CASP9: variants seen among roughly 807,000 people sequenced by gnomAD.
CASP9 encodes caspase-9.
In CASP9, 29 loss-of-function variants were observed where a neutral mutation model predicts 43.5. That is an observed-to-expected ratio of 0.67 (90% CI 0.50 to 0.91). The LOEUF is 0.91. Among genes scored for constraint, CASP9 ranks in the 40% least tolerant of loss-of-function variants. The pLI is 0.00. For missense variants in CASP9, 575 were observed against 537.4 expected, an observed-to-expected ratio of 1.07 and a Z score of -0.69; for synonymous variants, 206 against 211.9, an observed-to-expected ratio of 0.97 and a Z score of 0.24.
intron 5 of CASP9, among the ~76,000 whole-genome samples, chr1:15,505,477 G>C (rs932630992): frequency 6.6e-6 from 1 of 152,152 alleles, no homozygotes; most frequent in Non-Finnish European, 1.5e-5. Context: ...AGACCACAGG[G>C]GGACTCCAGG....
intron 3 of CASP9, 74 bp downstream of exon 3, chr1:15,507,799 A>G (rs955284917): frequency 6.9e-7 from 1 of 1,456,296 alleles, no homozygotes. Context: ...ACACACCTGC[A>G]GGGAAGGACC....
chr1:15,523,984 G>C, intron 1 of CASP9, 85 bp downstream of exon 1: 1 of 1,048,588 alleles, frequency 9.5e-7, no homozygotes, highest in Non-Finnish European at 1.3e-6. Flanking sequence ...GAAGCCACAG[G>C]GAAGGCTAGG....
chr1:15,504,754 C>A lies in CASP9; in HGVS notation c.725G>T (p.Ser242Ile). The change falls in exon 6 of 9, where the codon AGC (serine) becomes ATC (isoleucine). Residue 242 changes from serine (S) to isoleucine (I), a missense_variant. Transcript: ENST00000333868. ...VVILSHGCQA[S>I]HLQFPGAVYG... ...GACAGCCCCTGGGAACTGCAGGTGGCTGGCCTAGAAGACCAAGAACCCTGG... is the reference window on the plus strand; with the variant it reads ...GACAGCCCCTGGGAACTGCAGGTGGATGGCCTAGAAGACCAAGAACCCTGG... 1 of 1,612,576 alleles carries A rather than the reference C, an allele frequency of 6.2e-7. No homozygotes were observed.
At chr1:15,514,924 G>A (rs1304600801) in intron 2 of CASP9, among the ~76,000 whole-genome samples, 2 of 152,114 alleles carry the variant, frequency 1.3e-5, no homozygotes, top group Non-Finnish European at 2.9e-5. Context: ...AGAATTGTTT[G>A]AACCTGGGAG....
upstream of CASP9, chr1:15,524,226 G>A (rs1710347408): frequency 7.2e-6 from 11 of 1,534,152 alleles, no homozygotes; most frequent in Non-Finnish European, 9.6e-6. Context: ...AAGACTCCAG[G>A]CCGCCTCAGT....
rs931695071 is a variant in CASP9 at position 15,509,761 on chromosome 1, C to T, written c.419-1854G>A. On this transcript the variant is annotated intron_variant, in intron 2 of 8. Transcript: ENST00000333868. ...AAGAGGTGAGAGAAGCTCAGGAGAG[C>T]GGATGCTCACTGTCTGCGAGTCCAC... Among the ~76,000 whole-genome samples the T allele has an allele frequency of 5.3e-5, 8 of 152,270 alleles. No individual in the cohort carries two copies. In the South Asian group the frequency reaches 8.3e-4, roughly 16 times the overall value.
Position 15,493,010 on chromosome 1 carries a change from C to T in CASP9, c.1184G>A (p.Gly395Glu), listed in dbSNP as rs1480318351. ...GCAACCAGGCATCTGTTTATAAATC[C>T]CTTTCACCGAAACAGCATTAGCGAC... ...LRVANAVSVK[G>E]IYKQMPGCFN... The change falls in exon 9 of 9, where the codon GGG (glycine) becomes GAG (glutamate). Residue 395 changes from glycine (G) to glutamate (E), a missense_variant. Physicochemically the swap from Gly to Glu is moderately conservative, Grantham distance 98. Transcript: ENST00000333868. 4 of 1,613,886 alleles carry T rather than the reference C, an allele frequency of 2.5e-6. No homozygotes were observed. The African/African-American group carries it at 4.0e-5, about 16-fold the overall frequency.
At chr1:15,494,925 C>T (rs1709046755) in intron 7 of CASP9, among the ~76,000 whole-genome samples, 1 of 151,238 alleles carries the variant, frequency 6.6e-6, no homozygotes, top group Non-Finnish European at 1.5e-5. Flanking sequence ...CTACTACGTG[C>T]CCCGCACTGT....
At chr1:15,522,635 A>C (rs976182531) in intron 1 of CASP9, among the ~76,000 whole-genome samples, 6 of 152,222 alleles carry the variant, frequency 3.9e-5, no homozygotes, top group South Asian at 2.1e-4. Flanking sequence ...AGACCACTTA[A>C]GCCCAGGAGG....
rs1338307181 is a variant in CASP9, at chr1:15,492,221, T to C, written c.*722A>G. 6.6e-6 allele frequency: 1 copy of C among 151,974 alleles called. No individual in the cohort carries two copies. Among genetic ancestry groups the C allele is most frequent in the Non-Finnish European group, 1.5e-5 (1 of 68,012 alleles). The allele number at this position is 151,974 out of a possible 1,614,324, so 9.4% of individuals were successfully genotyped here. ...TCGAAAAAAGCAAAAGTCTCTTTTG[T>C]AAGGAAGAAGAAAGAGTTGGAGCAA... On this transcript the variant is annotated 3_prime_UTR_variant, in exon 9 of 9. Transcript: ENST00000333868.
intron 6 of CASP9, 89 bp from the exon 7 acceptor site, chr1:15,495,541 T>G: frequency 8.8e-7 from 1 of 1,135,572 alleles, no homozygotes; most frequent in East Asian, 2.9e-5. Context: ...ATATACTACA[T>G]TAACAGTGTG....
At chr1:15,514,723 G>A (rs186591184) in intron 2 of CASP9, among the ~76,000 whole-genome samples, 111 of 152,274 alleles carry the variant, frequency 7.3e-4, no homozygotes, top group Non-Finnish European at 9.3e-4. Flanking sequence ...AAGTGATCTT[G>A]GGCCAGCCGT....
At position 15,504,608 on chromosome 1, in the gene CASP9, T is replaced by C. The variant is rs1230165775; in HGVS notation, c.868+3A>G. ...CCCAGAGGGAGGCTGAGGAGCTGCT[T>C]ACCCCCACCACAGGCCTGGATGAAA... On this transcript the variant is annotated splice_donor_region_variant and intron_variant, in intron 6 of 8. Transcript: ENST00000333868. 4 of 1,610,970 alleles carry C rather than the reference T, an allele frequency of 2.5e-6. No individual in the cohort carries two copies. Among genetic ancestry groups the C allele is most frequent in the Non-Finnish European group, 3.4e-6 (4 of 1,178,612 alleles).
intron 6 of CASP9, among the ~76,000 whole-genome samples, chr1:15,502,236 A>G (rs1709356112): frequency 6.6e-6 from 1 of 152,194 alleles, no homozygotes; most frequent in African/African-American, 2.4e-5. Context: ...AGGCTGCAGG[A>G]GCACAAAGGC....
chr1:15,508,400 T>TC (rs1237424703), intron 2 of CASP9, among the ~76,000 whole-genome samples: 1 of 152,280 alleles, frequency 6.6e-6, no homozygotes, highest in Non-Finnish European at 1.5e-5. Context: ...TCGTTTCTTT[T>TC]CTTTTTTTTC....
Position 15,504,610 on chromosome 1 carries a change from C to T in CASP9, c.868+1G>A, listed in dbSNP as rs267598109. 1 of 1,611,070 alleles carries T rather than the reference C, an allele frequency of 6.2e-7. No individual in the cohort carries two copies. Among genetic ancestry groups the T allele is most frequent in the Non-Finnish European group, 8.5e-7 (1 of 1,178,618 alleles). ...CAGAGGGAGGCTGAGGAGCTGCTTA[C>T]CCCCACCACAGGCCTGGATGAAAAA... On this transcript the variant is annotated splice_donor_variant, in intron 6 of 8. Transcript: ENST00000333868. LOFTEE classifies it high-confidence loss of function.
intron 1 of CASP9, among the ~76,000 whole-genome samples, chr1:15,523,546 G>T (rs1384113489): frequency 6.6e-6 from 1 of 152,138 alleles, no homozygotes; most frequent in Non-Finnish European, 1.5e-5. Context: ...TATCCTAAGT[G>T]ACCTAAATCT....
Position 15,514,823 on chromosome 1 carries a change from T to C in CASP9, c.418+3287A>G, listed in dbSNP as rs1432303770. On this transcript the variant is annotated intron_variant, in intron 2 of 8. Transcript: ENST00000333868. The stretch of plus-strand genomic sequence containing the variant: ...GAGTTCAAGACCAGCCTGGCCAACA[T>C]GGGGAAACCTTGTCTCTATCAAAAA... Among the ~76,000 whole-genome samples the C allele has an allele frequency of 4.6e-5, 7 of 151,952 alleles. No homozygotes were observed. In the South Asian group the frequency reaches 1.0e-3, roughly 23 times the overall value.
intron 2 of CASP9, among the ~76,000 whole-genome samples, chr1:15,508,407 TTTC>T (rs1236330318): frequency 6.6e-6 from 1 of 152,160 alleles, no homozygotes; most frequent in Non-Finnish European, 1.5e-5. Flanking sequence ...TTTTCTTTTT[TTTC>T]TTTTTTCTTT....
Sources: gnomAD v4.1 joint callset for allele counts (sites outside exome capture counted in the v4.1 genomes callset) on GRCh38, gnomAD v4.1.1 for gene constraint, MANE v1.5 for transcripts, NCBI Gene and HGNC (gene_info 2026-07-23, HGNC 2026-07-21) for gene names.